The following HPX variants were observed in gnomAD, a reference collection of about 807,000 sequenced individuals.
The protein encoded by HPX is beta-1B-glycoprotein.
HPX carries 42 observed loss-of-function variants against 53.8 expected under a neutral mutation model. The observed-to-expected ratio is 0.78, with a 90% CI of 0.61 to 1.01. HPX has a LOEUF of 1.01. Ranked by LOEUF, HPX falls within the 50% of genes least tolerant of loss-of-function variation. The pLI is 0.00. For missense variants in HPX, 547 were observed against 594.3 expected, an observed-to-expected ratio of 0.92 and a Z score of 0.83; for synonymous variants, 229 against 221.1, an observed-to-expected ratio of 1.04 and a Z score of -0.32.
At chr11:6,432,057 A>G (rs1219415565) in intron 7 of HPX, 40 bp from the exon 8 acceptor site, 1 of 1,612,326 alleles carries the variant, frequency 6.2e-7, no homozygotes, top group Non-Finnish European at 8.5e-7. Context: ...CGCTGGCAGA[A>G]GCCCAGGCAG....
chr11:6,431,347 C>T lies in HPX; in HGVS notation c.1253G>A (p.Cys418Tyr), dbSNP rs1849344620. 6.2e-7 allele frequency: 1 copy of T among 1,614,246 alleles called. No individual in the cohort carries two copies. Among genetic ancestry groups the T allele is most frequent in the Admixed American group, 1.7e-5 (1 of 60,024 alleles). Residue 418 changes from cysteine (C) to tyrosine (Y), a missense_variant, in exon 10 of 10, where the codon TGT becomes TAT. Transcript: ENST00000265983. ...CMEKSLGPNS[C>Y]SANGPGLYLI... ...GTACAAGCCGGGACCATTGGCGGAA[C>T]ATGAGTTAGGGCCAAGGGACTTTTC...
At chr11:6,438,216 TACGTGGCTTCTCTATTTC>T in intron 5 of HPX, 122 bp downstream of exon 5, 1 of 819,814 alleles carries the variant, frequency 1.2e-6, no homozygotes, top group Admixed American at 2.2e-5. Flanking sequence ...CTCTAGACCA[TACGTGGCTTCTCTATTTC>T]CCTTCCTTAA....
chr11:6,438,467 C>T lies in HPX; in HGVS notation c.379G>A (p.Gly127Arg). The change falls in exon 5 of 10, where the codon GGA (glycine) becomes AGA (arginine). Residue 127 changes from glycine to arginine, a missense_variant. Transcript: ENST00000265983. ...TCATCTTGGAGCAACTTTGGGTATCCTTTCTCCTTCTTTTCAGGAGGGTAT... is the reference window on the plus strand; with the variant it reads ...TCATCTTGGAGCAACTTTGGGTATCTTTTCTCCTTCTTTTCAGGAGGGTAT... ...WVYPPEKKEKGYPKLLQDEFP... is the reference protein window; with the variant it reads ...WVYPPEKKEKRYPKLLQDEFP... The T allele has an allele frequency of 6.2e-7, 1 of 1,614,094 alleles. No homozygotes were observed. The highest frequency in any genetic ancestry group is 8.5e-7 in the Non-Finnish European group (1 of 1,179,940).
At chr11:6,437,210 A>T in intron 6 of HPX, 33 bp from the exon 7 acceptor site, 1 of 1,599,156 alleles carries the variant, frequency 6.3e-7, no homozygotes, top group Non-Finnish European at 8.5e-7. Flanking sequence ...AGAACACAGA[A>T]GGAGGCCAGA....
rs1349217491 is a variant in HPX at position 6,440,678 on chromosome 11, C to CGTCTGG, written c.130_135dup (p.Pro44_Asp45dup). 6.2e-7 allele frequency: 1 copy of CGTCTGG among 1,612,550 alleles called. No homozygotes were observed. Among genetic ancestry groups the CGTCTGG allele is most frequent in the Non-Finnish European group, 8.5e-7 (1 of 1,179,620 alleles). The stretch of plus-strand genomic sequence containing the variant: ...TAGGGAGTCAGGGCCTCACCAGTCA[C>CGTCTGG]GTCTGGGTCTGGCTTGGTCTCGCCT... On this transcript the variant is annotated inframe_insertion, in exon 2 of 10. Coordinates refer to ENST00000265983, the MANE Select transcript of HPX (RefSeq NM_000613.3).
At chr11:6,433,586 T>A (rs537656249) in intron 7 of HPX, among the ~76,000 whole-genome samples, 3 of 152,374 alleles carry the variant, frequency 2.0e-5, no homozygotes, top group South Asian at 4.1e-4. Context: ...CACCTCTAAT[T>A]TGGACAACTG....
rs1016472623 is a variant in HPX at position 6,437,516 on chromosome 11, G to A, written c.627C>T (p.Phe209=). The change falls in exon 6 of 10, where the codon TTC becomes TTT. Residue 209 remains phenylalanine (F), a synonymous_variant. Coordinates refer to ENST00000265983, the MANE Select transcript of HPX (RefSeq NM_000613.3). The part of the protein sequence containing the change: ...YCFQGNQFLR[F]DPVRGEVPPR... The stretch of plus-strand genomic sequence containing the variant: ...GAGGCACCTCTCCCCTGACAGGGTC[G>A]AAGCGCAGGAATTGGTTACCCTGGA... 8 of 1,614,082 alleles carry A rather than the reference G, an allele frequency of 5.0e-6. No homozygotes were observed. Among genetic ancestry groups the A allele is most frequent in the Non-Finnish European group, 6.8e-6 (8 of 1,180,020 alleles).
chr11:6,432,176 T>A (rs1035585294), intron 7 of HPX, 159 bp from the exon 8 acceptor site: 21 of 763,774 alleles, frequency 2.7e-5, no homozygotes, highest in Non-Finnish European at 4.2e-5. Context: ...CAAGACTTGG[T>A]CAGCAATGTT....
At position 6,431,943 on chromosome 11, in the gene HPX, C is replaced by A. The variant is rs866691413; in HGVS notation, c.910G>T (p.Gly304Cys). 2 of 1,614,188 alleles carry A rather than the reference C, an allele frequency of 1.2e-6. No individual in the cohort carries two copies. The highest frequency in any genetic ancestry group is 3.3e-4 in the Middle Eastern group (2 of 6,062). ...AAGGCAGCATCCACTGCTGAAGGACCCTGGGGCCACTGATGAGCAATGGGC... is the reference window on the plus strand; with the variant it reads ...AAGGCAGCATCCACTGCTGAAGGACACTGGGGCCACTGATGAGCAATGGGC... The part of the protein sequence containing the change: ...SWPIAHQWPQ[G>C]PSAVDAAFSW... Residue 304 changes from glycine to cysteine, a missense_variant, in exon 8 of 10, where the codon GGT becomes TGT. Coordinates refer to ENST00000265983, the MANE Select transcript of HPX (RefSeq NM_000613.3).
In HPX at chr11:6,437,287, G is replaced by A. The variant is rs1314459306; in HGVS notation, c.704-110C>T. The A allele has an allele frequency of 3.5e-6, 5 of 1,413,722 alleles. No homozygotes were observed. In the South Asian group the frequency reaches 5.1e-5, roughly 14 times the overall value. 87.6% of individuals were successfully genotyped at this position (1,413,722 alleles called of 1,614,324 possible). Reference sequence around the variant, plus strand: ...GTGGGGTGTGGGTTTCCCCATATGAGGGCAATGGGAAAATCCAGAATGGAA... The same window carrying A: ...GTGGGGTGTGGGTTTCCCCATATGAAGGCAATGGGAAAATCCAGAATGGAA... On this transcript the variant is annotated intron_variant, in intron 6 of 9. Coordinates refer to ENST00000265983, the MANE Select transcript of HPX (RefSeq NM_000613.3).
intron 2 of HPX, 44 bp downstream of exon 2, chr11:6,440,628 C>T (rs1377176576): frequency 7.1e-6 from 9 of 1,266,730 alleles, no homozygotes; most frequent in East Asian, 2.6e-5. Flanking sequence ...AATGCAGAGA[C>T]ACAACCAGAC....
chr11:6,437,201 G>A, intron 6 of HPX, 24 bp from the exon 7 acceptor site: 2 of 1,606,756 alleles, frequency 1.2e-6, no homozygotes, highest in East Asian at 2.2e-5. Context: ...TGGGTGAGGA[G>A]AACACAGAAG....
chr11:6,434,290 C>T (rs1482264324), intron 7 of HPX, among the ~76,000 whole-genome samples: 1 of 152,120 alleles, frequency 6.6e-6, no homozygotes, highest in African/African-American at 2.4e-5. Context: ...GGGAGGTTTC[C>T]CACTGAAATT....
chr11:6,431,290 C>T lies in HPX; in HGVS notation c.1310G>A (p.Ser437Asn). 1 of 1,614,264 alleles carries T rather than the reference C, an allele frequency of 6.2e-7. No individual in the cohort carries two copies. Among genetic ancestry groups the T allele is most frequent in the Non-Finnish European group, 8.5e-7 (1 of 1,180,048 alleles). The change falls in exon 10 of 10, where the codon AGT (serine) becomes AAT (asparagine). Residue 437 changes from serine (S) to asparagine (N), a missense_variant. Ser to Asn is a conservative substitution (Grantham distance 46, BLOSUM62 1). Transcript: ENST00000265983. ...GGCTGCATTCAGTTTCTCCACATCA[C>T]TGTAGCAGTACAAATTGGGACCATG... ...LIHGPNLYCY[S>N]DVEKLNAAKA...
At chr11:6,440,594 AAAAAAAAAACC>A in intron 2 of HPX, 56 bp from the exon 3 acceptor site, 1 of 1,300,618 alleles carries the variant, frequency 7.7e-7, no homozygotes, top group Non-Finnish European at 1.1e-6. Context: ...AAAAAAAAAA[AAAAAAAAAACC>A]AGAAGGTGAT....
chr11:6,438,281 CACTATCACCATCACTACT>C, intron 5 of HPX, 57 bp downstream of exon 5: 3 of 1,447,510 alleles, frequency 2.1e-6, no homozygotes, highest in Middle Eastern at 2.3e-4. Context: ...CCATCACTAC[CACTATCACCATCACTACT>C]GGCATCACTA....
chr11:6,435,770 A>G (rs1849408502), intron 7 of HPX, among the ~76,000 whole-genome samples: 1 of 152,202 alleles, frequency 6.6e-6, no homozygotes. Flanking sequence ...TATTTTTAAT[A>G]TAAGGTGTTC....
At position 6,440,201 on chromosome 11, in the gene HPX, T is replaced by C. The variant is rs144052876; in HGVS notation, c.300A>G (p.Ala100=). ...WKNFPSPVDA[A]FRQGHNSVFL... ...AGACACTGTTGTGACCTTGACGGAA[T>C]GCAGCATCCACAGGGCTGGGGAAAT... is the stretch of plus-strand genomic sequence containing the variant. Residue 100 remains alanine, a synonymous_variant, in exon 4 of 10, where the codon GCA becomes GCG. Transcript: ENST00000265983. The C allele has an allele frequency of 2.0e-4, 316 of 1,614,086 alleles. No homozygotes were observed. In the African/African-American group the frequency reaches 3.7e-3, roughly 19 times the overall value.
rs1849425510 is a variant in HPX at position 6,437,036 on chromosome 11, C to T, written c.835+10G>A. ...GAGAGCACATTGGGGGAGTTGGGGGCATCTCTCACCACTGAAGGCATAGGT... is the reference window on the plus strand; with the variant it reads ...GAGAGCACATTGGGGGAGTTGGGGGTATCTCTCACCACTGAAGGCATAGGT... On this transcript the variant is annotated intron_variant, in intron 7 of 9. Coordinates refer to ENST00000265983, the MANE Select transcript of HPX (RefSeq NM_000613.3). 6.2e-7 allele frequency: 1 copy of T among 1,613,170 alleles called. No homozygotes were observed. Among genetic ancestry groups the T allele is most frequent in the Non-Finnish European group, 8.5e-7 (1 of 1,179,554 alleles).
Sources: allele counts gnomAD v4.1 joint callset (sites outside exome capture counted in the v4.1 genomes callset), GRCh38; gene constraint gnomAD v4.1.1; transcripts MANE v1.5; gene names NCBI Gene and HGNC (gene_info 2026-07-23, HGNC 2026-07-21).